Variants in GABBR1 observed in about 807,000 individuals in gnomAD.
GABBR1 encodes GABA-B receptor, R1 subunit.
GABBR1 carries 35 observed loss-of-function variants against 117.7 expected under a neutral mutation model. The ratio of observed to expected loss-of-function variants is 0.30; its 90% CI spans 0.23 to 0.39. GABBR1 has a LOEUF of 0.39. GABBR1 is among the 10% of genes least tolerant of loss of function. The probability of loss-of-function intolerance (pLI) is 1.00; values close to 1 mark genes in which losing one functional copy is unlikely to be tolerated. For missense variants in GABBR1, 709 were observed against 1,241.8 expected (o/e 0.57, Z 6.45); for synonymous variants, 442 against 486.6 (o/e 0.91, Z 1.21).
In GABBR1 at chr6:29,610,420, C is replaced by T. The variant is rs909743738; in HGVS notation, c.1708+504G>A. Among the ~76,000 whole-genome samples the T allele has an allele frequency of 2.6e-5, 4 of 152,212 alleles. No homozygotes were observed. The East Asian group carries it at 7.7e-4, about 29-fold the overall frequency. The stretch of plus-strand genomic sequence containing the variant: ...TTCATGTAACACAACTGCACGTCTA[C>T]CTCTAAATTACATAAAAATAGGAAA... On this transcript the variant is annotated intron_variant, in intron 14 of 22. Coordinates refer to ENST00000377034, the MANE Select transcript of GABBR1 (RefSeq NM_001470.4).
chr6:29,608,173 C>G lies in GABBR1; in HGVS notation c.1992+428G>C, dbSNP rs549572404. 2.6e-4 allele frequency among the ~76,000 whole-genome samples: 40 copies of G among 152,308 alleles called. No individual in the cohort carries two copies. In the South Asian group the frequency reaches 6.0e-3, roughly 23 times the overall value. The stretch of plus-strand genomic sequence containing the variant: ...CCCCTCCTCCCTGTGTGGCAGTGGT[C>G]CCTTCCCCCCAACTCTCTGCTGTGT... On this transcript the variant is annotated intron_variant, in intron 16 of 22. Coordinates refer to ENST00000377034, the MANE Select transcript of GABBR1 (RefSeq NM_001470.4).
At position 29,622,196 on chromosome 6, in the gene GABBR1, C is replaced by T. The variant is rs1349895260; in HGVS notation, c.973G>A (p.Asp325Asn). Residue 325 changes from aspartate to asparagine, a missense_variant, in exon 9 of 23, where the codon GAC becomes AAC. This residue lies in a region of GABBR1 where 192 missense variants were observed against 418.4 expected (regional missense o/e 0.46). Transcript: ENST00000377034. This position sits in a 1 kb window ranked among gnomAD's most constrained non-coding sequence, Gnocchi z 4.6. The part of the protein sequence containing the change: ...TTEVFTSTLD[D>N]LEERVKEAGI... ...GCCTCCTTCACTCGTTCCTCCAGGT[C>T]GTCCAGAGTCTTGGGTGGGAATAAA... 3.1e-6 allele frequency: 5 copies of T among 1,613,414 alleles called. No individual in the cohort carries two copies. Among genetic ancestry groups the T allele is most frequent in the Non-Finnish European group, 3.4e-6 (4 of 1,179,490 alleles).
At chr6:29,629,018 A>AG (rs1562125007) in intron 5 of GABBR1, 69 bp downstream of exon 5, 5 of 1,580,074 alleles carry the variant, frequency 3.2e-6, no homozygotes, top group African/African-American at 2.7e-5. Flanking sequence ...GCAGAATTTC[A>AG]GGGGGGTGGA....
Position 29,611,074 on chromosome 6 carries a change from C to G in GABBR1, c.1631-73G>C, listed in dbSNP as rs1380775771. 10 of 1,183,768 alleles carry G rather than the reference C, an allele frequency of 8.4e-6. No homozygotes were observed. Among genetic ancestry groups the G allele is most frequent in the South Asian group, 2.4e-5 (2 of 81,816 alleles). The allele number at this position is 1,183,768 out of a possible 1,614,324, so 73.3% of individuals were successfully genotyped here. On this transcript the variant is annotated intron_variant, in intron 13 of 22. Coordinates refer to ENST00000377034, the MANE Select transcript of GABBR1 (RefSeq NM_001470.4). The surrounding 1 kb of genome is among the most constrained non-coding windows in gnomAD (Gnocchi z 4.6). ...GATCCTAGGCATTTTCAACTTCCCA[C>G]TTCCCTAGAGCTTTGCATGGTTGTA... is the stretch of plus-strand genomic sequence containing the variant.
Position 29,609,339 on chromosome 6 carries a change from T to C in GABBR1, c.1749A>G (p.Thr583=). 8 of 1,612,924 alleles carry C rather than the reference T, an allele frequency of 5.0e-6. No individual in the cohort carries two copies. The highest frequency in any genetic ancestry group is 2.7e-5 in the African/African-American group (2 of 74,996). ...AGAGTTTCTGTGACAGGAAGCGGAA[T>C]GTCTTGATGACCAGGGTCTGGTCAG... The part of the protein sequence containing the change: ...PPADQTLVIK[T]FRFLSQKLFI... The change falls in exon 15 of 23, where the codon ACA becomes ACG. Residue 583 remains threonine, a synonymous_variant. Transcript: ENST00000377034. This position sits in a 1 kb window ranked among gnomAD's most constrained non-coding sequence, Gnocchi z 4.3.
chr6:29,628,227 C>T, intron 5 of GABBR1: 1 of 937,608 alleles, frequency 1.1e-6, no homozygotes, highest in Non-Finnish European at 1.2e-6. Flanking sequence ...AGGAAAGGAA[C>T]GAAAGAGGAA....
rs1762734998 is a variant in GABBR1, at chr6:29,613,213, CAG to C, written c.1566+28_1566+29del. The C allele has an allele frequency of 3.1e-6, 5 of 1,607,016 alleles. No individual in the cohort carries two copies. The highest frequency in any genetic ancestry group is 2.2e-5 in the East Asian group (1 of 44,806). On this transcript the variant is annotated intron_variant, in intron 12 of 22. Transcript: ENST00000377034. This position sits in a 1 kb window ranked among gnomAD's most constrained non-coding sequence, Gnocchi z 4.1. ...GGAGTCTCTCTCAAGATTGGGAAGA[CAG>C]GGGAGTATGAAGGAAGTTTTAACTC...
intron 5 of GABBR1, chr6:29,628,076 T>A (rs1764522873): frequency 1.5e-6 from 1 of 683,826 alleles, no homozygotes; most frequent in African/African-American, 2.4e-5. Context: ...GGCTCTGACG[T>A]CACGGGCGGC....
chr6:29,619,270 C>T (rs935477412), intron 11 of GABBR1, among the ~76,000 whole-genome samples: 13 of 152,322 alleles, frequency 8.5e-5, no homozygotes, highest in African/African-American at 3.1e-4. Flanking sequence ...TGCTTTGATC[C>T]ACTTCTATTT....
chr6:29,603,605 G>A lies in GABBR1; in HGVS notation c.2824C>T (p.Pro942Ser). 1.9e-6 allele frequency: 3 copies of A among 1,583,724 alleles called. No homozygotes were observed. Among genetic ancestry groups the A allele is most frequent in the Non-Finnish European group, 2.6e-6 (3 of 1,167,334 alleles). The part of the protein sequence containing the change: ...PEPSGGLPRG[P>S]PEPPDRLSCD... ...CTAAGCCGGTCGGGGGGCTCAGGGG[G>A]TCCCCTGGGCAGGCCCCCAGAGGGT... The change falls in exon 23 of 23, where the codon CCC becomes TCC. Residue 942 changes from proline to serine, a missense_variant. Pro to Ser is a moderately conservative substitution (Grantham distance 74). Transcript: ENST00000377034.
chr6:29,632,478 G>A lies in GABBR1; in HGVS notation c.1-93C>T. ...CGACCTCTTGCCGGTTGCCTCGCAG[G>A]CTCCGACCGGGCTCAGCCTGGGGAC... On this transcript the variant is annotated intron_variant, in intron 1 of 22. Coordinates refer to ENST00000377034, the MANE Select transcript of GABBR1 (RefSeq NM_001470.4). This position sits in a 1 kb window ranked among gnomAD's most constrained non-coding sequence, Gnocchi z 5.8. The A allele has an allele frequency of 8.9e-7, 1 of 1,122,318 alleles. No homozygotes were observed. Among genetic ancestry groups the A allele is most frequent in the Non-Finnish European group, 1.2e-6 (1 of 844,228 alleles). The allele number at this position is 1,122,318 out of a possible 1,614,324, so 69.5% of individuals were successfully genotyped here. A position where few individuals can be genotyped will look rare whatever the true frequency, so the allele number is the denominator to read the frequency against.
In GABBR1 at chr6:29,630,477, G is replaced by A; in HGVS notation, c.456C>T (p.Thr152=). 6.2e-7 allele frequency: 1 copy of A among 1,612,840 alleles called. No individual in the cohort carries two copies. The highest frequency in any genetic ancestry group is 8.5e-7 in the Non-Finnish European group (1 of 1,179,880). The change falls in exon 4 of 23, where the codon ACC becomes ACT. Residue 152 remains threonine (T), a synonymous_variant. Coordinates refer to ENST00000377034, the MANE Select transcript of GABBR1 (RefSeq NM_001470.4). This position sits in a 1 kb window ranked among gnomAD's most constrained non-coding sequence, Gnocchi z 4.9. The part of the protein sequence containing the change: ...RSICSQGQWS[T]PKPHCQVNRT... ...CCTCACCCTGGCAGTGGGGCTTGGGGGTGCTCCACTGGCCCTGACTACAGA... is the reference window on the plus strand; with the variant it reads ...CCTCACCCTGGCAGTGGGGCTTGGGAGTGCTCCACTGGCCCTGACTACAGA...
At chr6:29,624,911 G>A (rs1764115658) in intron 6 of GABBR1, among the ~76,000 whole-genome samples, 1 of 152,140 alleles carries the variant, frequency 6.6e-6, no homozygotes, top group African/African-American at 2.4e-5. Flanking sequence ...TGCATGTGAA[G>A]ACGAAATGGC....
rs1158684266 is a variant in GABBR1, at chr6:29,613,067, TC to T, written c.1566+175del. ...AAAAAATGGAATACATCATTTTTTT[TC>T]CTCTAGTCTTTGATGGGTTCTTCTA... On this transcript the variant is annotated intron_variant, in intron 12 of 22. Transcript: ENST00000377034. The surrounding 1 kb of genome is among the most constrained non-coding windows in gnomAD (Gnocchi z 4.1). Among the ~76,000 whole-genome samples the T allele has an allele frequency of 6.6e-6, 1 of 152,244 alleles. No individual in the cohort carries two copies. Among genetic ancestry groups the T allele is most frequent in the Non-Finnish European group, 1.5e-5 (1 of 68,044 alleles).
chr6:29,614,981 C>CAAAAAAAAAAAAA (rs202165362), intron 11 of GABBR1, among the ~76,000 whole-genome samples: 1 of 81,174 alleles, frequency 1.2e-5, no homozygotes, highest in African/African-American at 5.4e-5. Context: ...TAAAACTGCT[C>CAAAAAAAAAAAAA]AAAAAAAAAA....
In GABBR1 at chr6:29,609,584, C is replaced by G. The variant is rs1762326592; in HGVS notation, c.1709-205G>C. Reference sequence around the variant, plus strand: ...TGCCACTGGGGCCGTTAGGAAGCAACCAGAAATGAGATGAGAAGATGGAGT... The same window carrying G: ...TGCCACTGGGGCCGTTAGGAAGCAAGCAGAAATGAGATGAGAAGATGGAGT... On this transcript the variant is annotated intron_variant, in intron 14 of 22. Transcript: ENST00000377034. The surrounding 1 kb of genome is among the most constrained non-coding windows in gnomAD (Gnocchi z 4.3). 1.3e-5 allele frequency among the ~76,000 whole-genome samples: 2 copies of G among 152,224 alleles called. No individual in the cohort carries two copies. Among genetic ancestry groups the G allele is most frequent in the South Asian group, 2.1e-4 (1 of 4,818 alleles).
Position 29,605,471 on chromosome 6 carries a change from GCA to G in GABBR1, c.2439+96_2439+97del. 1 of 1,443,014 alleles carries G rather than the reference GCA, an allele frequency of 6.9e-7. No homozygotes were observed. The highest frequency in any genetic ancestry group is 9.4e-7 in the Non-Finnish European group (1 of 1,059,716). 89.4% of individuals were successfully genotyped at this position (1,443,014 alleles called of 1,614,324 possible). A position where few individuals can be genotyped will look rare whatever the true frequency, so the allele number is the denominator to read the frequency against. ...TTAACAAACTTTTTAAGACTTCTAA[GCA>G]ACCGATCCCAGATCTAGCATTGATT... On this transcript the variant is annotated intron_variant, in intron 20 of 22. Transcript: ENST00000377034. The surrounding 1 kb of genome is among the most constrained non-coding windows in gnomAD (Gnocchi z 4.2).
intron 11 of GABBR1, among the ~76,000 whole-genome samples, chr6:29,618,782 T>C (rs1763441091): frequency 6.6e-6 from 1 of 152,242 alleles, no homozygotes; most frequent in Admixed American, 6.5e-5. Flanking sequence ...TTCTCTGCAC[T>C]ATTAACATTT....
In GABBR1 at chr6:29,605,472, C is replaced by T. The variant is rs1472743217; in HGVS notation, c.2439+97G>A. Reference sequence around the variant, plus strand: ...TAACAAACTTTTTAAGACTTCTAAGCAACCGATCCCAGATCTAGCATTGAT... The same window carrying T: ...TAACAAACTTTTTAAGACTTCTAAGTAACCGATCCCAGATCTAGCATTGAT... On this transcript the variant is annotated intron_variant, in intron 20 of 22. Coordinates refer to ENST00000377034, the MANE Select transcript of GABBR1 (RefSeq NM_001470.4). This position sits in a 1 kb window ranked among gnomAD's most constrained non-coding sequence, Gnocchi z 4.2. The T allele has an allele frequency of 3.7e-5, 54 of 1,450,460 alleles. No homozygotes were observed. Among genetic ancestry groups the T allele is most frequent in the Non-Finnish European group, 5.1e-5 (54 of 1,066,030 alleles). The allele number at this position is 1,450,460 out of a possible 1,614,324, so 89.8% of individuals were successfully genotyped here.
Sources: allele counts gnomAD v4.1 joint callset (sites outside exome capture counted in the v4.1 genomes callset), GRCh38; gene constraint gnomAD v4.1.1; regional missense constraint gnomAD v4.1.1; non-coding constraint Gnocchi (gnomAD v3.1); transcripts MANE v1.5; gene names NCBI Gene and HGNC (gene_info 2026-07-23, HGNC 2026-07-21).